Variants in GRID2 observed in about 807,000 individuals in gnomAD.
GRID2 encodes the protein glutamate receptor ionotropic, delta-2.
A neutral mutation model predicts 114.8 loss-of-function variants in GRID2; 33 were observed. The observed-to-expected ratio is 0.29, with a 90% CI of 0.22 to 0.38. The LOEUF is 0.38. Among genes scored for constraint, GRID2 ranks in the 10% least tolerant of loss-of-function variants. The pLI is 1.00. For synonymous variants in GRID2, 505 were observed against 449.9 expected, an observed-to-expected ratio of 1.12 and a Z score of -1.55; for missense variants, 1,184 against 1,257.7, an observed-to-expected ratio of 0.94 and a Z score of 0.89.
At chr4:93,797,895 G>A (rs1163650209) in intron 1 of GRID2, among the ~76,000 whole-genome samples, 1 of 150,234 alleles carries the variant, frequency 6.7e-6, no homozygotes, top group East Asian at 2.0e-4. Flanking sequence ...GCTCACACCT[G>A]TAATCCCAGT....
intron 2 of GRID2, among the ~76,000 whole-genome samples, chr4:92,938,074 A>G (rs1750799755): frequency 6.8e-6 from 1 of 146,630 alleles, no homozygotes; most frequent in Admixed American, 7.4e-5. Flanking sequence ...ATTTTTTTAA[A>G]TGCTCTTTAT....
chr4:93,155,138 A>G (rs1029826914), intron 4 of GRID2, among the ~76,000 whole-genome samples: 6 of 151,856 alleles, frequency 4.0e-5, no homozygotes, highest in Non-Finnish European at 5.9e-5. Context: ...CTCCTTTTAG[A>G]CTAAACTTGA....
intron 13 of GRID2, among the ~76,000 whole-genome samples, chr4:93,616,385 AATAAT>A (rs1257005535): frequency 2.0e-5 from 3 of 151,472 alleles, no homozygotes; most frequent in Admixed American, 2.0e-4. Flanking sequence ...CTCTACCAAA[AATAAT>A]ACAAAAATTA....
At chr4:93,536,385 C>T (rs964736279) in intron 13 of GRID2, among the ~76,000 whole-genome samples, 2 of 151,736 alleles carry the variant, frequency 1.3e-5, no homozygotes, top group African/African-American at 4.8e-5. Context: ...GAATAGGGAC[C>T]CCAGAAATAA....
In GRID2 at chr4:92,666,650, G is replaced by GTTTTT. The variant is rs70942922; in HGVS notation, c.244+76380_244+76384dup. Among the ~76,000 whole-genome samples the GTTTTT allele has an allele frequency of 3.2e-4, 22 of 68,560 alleles. 1 individual carries two copies. The highest frequency in any genetic ancestry group is 6.8e-4 in the African/African-American group (13 of 19,072). The allele number at this position is 68,560 out of a possible 152,430, so 45.0% of individuals were successfully genotyped here. On this transcript the variant is annotated intron_variant, in intron 2 of 15. Coordinates refer to ENST00000282020, the MANE Select transcript of GRID2 (RefSeq NM_001510.4). ...AGGCTGATGTGTAAACTTAAGGGTT[G>GTTTTT]TTTTTTTTTTTTTTTTTTTTCAGAT...
intron 2 of GRID2, among the ~76,000 whole-genome samples, chr4:92,594,788 T>C (rs918476625): frequency 2.0e-5 from 3 of 152,040 alleles, no homozygotes; most frequent in Non-Finnish European, 2.9e-5. Flanking sequence ...GTGGCATCTA[T>C]GTACAACATT....
chr4:93,730,379 C>T (rs1730371980), intron 14 of GRID2, among the ~76,000 whole-genome samples: 1 of 152,128 alleles, frequency 6.6e-6, no homozygotes, highest in South Asian at 2.1e-4. Context: ...ATCTCCAGGT[C>T]ATATGGTGTG....
At chr4:92,710,456 T>C (rs1258336462) in intron 2 of GRID2, among the ~76,000 whole-genome samples, 3 of 152,214 alleles carry the variant, frequency 2.0e-5, no homozygotes, top group Non-Finnish European at 4.4e-5. Flanking sequence ...CAATGTGCTA[T>C]GTATGTAATT....
chr4:92,655,702 C>T (rs977769062), intron 2 of GRID2, among the ~76,000 whole-genome samples: 1 of 151,180 alleles, frequency 6.6e-6, no homozygotes. Context: ...AGAAATATTA[C>T]TGAGTTTGTA....
chr4:93,781,466 C>A (rs963960648), intron 1 of GRID2, among the ~76,000 whole-genome samples: 2 of 151,948 alleles, frequency 1.3e-5, no homozygotes, highest in African/African-American at 4.8e-5. Flanking sequence ...CTGGGCTTCC[C>A]TTACAGCACC....
At position 93,578,587 on chromosome 4, in the gene GRID2, ATTTTT is replaced by A. The variant is rs59397408; in HGVS notation, c.2194-47662_2194-47658del. On this transcript the variant is annotated intron_variant, in intron 13 of 15. Coordinates refer to ENST00000282020, the MANE Select transcript of GRID2 (RefSeq NM_001510.4). ...AAAAGAACCTTGTCTTGTTTTTTGTATTTTTTTTTTTTTTTTTTTTTTTTGAGTTG... is the reference window on the plus strand; with the variant it reads ...AAAAGAACCTTGTCTTGTTTTTTGTATTTTTTTTTTTTTTTTTTTGAGTTG... Among the ~76,000 whole-genome samples, 412 of 83,914 alleles carry A rather than the reference ATTTTT, an allele frequency of 4.9e-3. 1 individual carries two copies. The highest frequency in any genetic ancestry group is 0.02 in the African/African-American group (393 of 19,310). The allele number at this position is 83,914 out of a possible 152,430, so 55.1% of individuals were successfully genotyped here. A position where few individuals can be genotyped will look rare whatever the true frequency, so the allele number is the denominator to read the frequency against.
At chr4:93,395,763 A>G (rs960392562) in intron 9 of GRID2, 55 bp downstream of exon 9, 4 of 763,744 alleles carry the variant, frequency 5.2e-6, no homozygotes, top group East Asian at 2.5e-5. Flanking sequence ...TTTATCCTAT[A>G]TTTCTTTCTT....
chr4:92,331,297 A>C (rs896281640), intron 1 of GRID2, among the ~76,000 whole-genome samples: 13 of 152,232 alleles, frequency 8.5e-5, no homozygotes, highest in Non-Finnish European at 2.9e-5. Context: ...AAAAAGTGCC[A>C]GTGGATAAGC....
In GRID2 at chr4:93,216,773, A is replaced by G. The variant is rs780543230; in HGVS notation, c.825A>G (p.Arg275=). The G allele has an allele frequency of 1.9e-6, 3 of 1,612,340 alleles. No homozygotes were observed. In the Admixed American group the frequency reaches 5.0e-5, roughly 27 times the overall value. The change falls in exon 6 of 16, where the codon AGA becomes AGG. Residue 275 remains arginine (R), a synonymous_variant. Coordinates refer to ENST00000282020, the MANE Select transcript of GRID2 (RefSeq NM_001510.4). ...INDVDVQELV[R]RSIGRLTIIR... Reference sequence around the variant, plus strand: ...ATGTGGACGTACAGGAACTTGTAAGAAGGTCAATTGGAAGGTTAACGATTA... The same window carrying G: ...ATGTGGACGTACAGGAACTTGTAAGGAGGTCAATTGGAAGGTTAACGATTA...
intron 9 of GRID2, among the ~76,000 whole-genome samples, chr4:93,416,981 T>A (rs555898927): frequency 6.6e-6 from 1 of 152,104 alleles, no homozygotes; most frequent in South Asian, 2.1e-4. Flanking sequence ...GTCATGCAAA[T>A]GATCAGCAAA....
chr4:93,543,258 G>C (rs953442418), intron 13 of GRID2, among the ~76,000 whole-genome samples: 7 of 152,130 alleles, frequency 4.6e-5, no homozygotes, highest in Non-Finnish European at 8.8e-5. Context: ...GTAATCTGTA[G>C]CTTTGGTATA....
At chr4:92,824,237 G>T (rs1007199685) in intron 2 of GRID2, among the ~76,000 whole-genome samples, 1 of 152,028 alleles carries the variant, frequency 6.6e-6, no homozygotes, top group Non-Finnish European at 1.5e-5. Context: ...AATATCATTA[G>T]GTTCTTATAT....
chr4:93,463,844 C>A (rs2149423930), intron 11 of GRID2, among the ~76,000 whole-genome samples: 1 of 152,062 alleles, frequency 6.6e-6, no homozygotes, highest in Middle Eastern at 3.4e-3. Context: ...AAAAAATTAG[C>A]CAGGCGTGGT....
intron 1 of GRID2, among the ~76,000 whole-genome samples, chr4:92,456,302 G>C (rs1721212872): frequency 6.6e-6 from 1 of 151,990 alleles, no homozygotes. Flanking sequence ...TATTCCTTTA[G>C]GATCTTGTGG....
Sources: allele counts gnomAD v4.1 joint callset (sites outside exome capture counted in the v4.1 genomes callset), GRCh38; gene constraint gnomAD v4.1.1; transcripts MANE v1.5; gene names NCBI Gene and HGNC (gene_info 2026-07-23, HGNC 2026-07-21).